Variants in TRAPPC9 observed in about 807,000 individuals in gnomAD.
TRAPPC9 encodes trafficking protein particle complex subunit 9, also known as IKK2 binding protein.
In TRAPPC9, 83 loss-of-function variants were observed where a neutral mutation model predicts 124.0. That is an observed-to-expected ratio of 0.67 (90% CI 0.56 to 0.80). TRAPPC9 has a LOEUF of 0.80. Ranked by LOEUF, TRAPPC9 falls within the 30% of genes least tolerant of loss-of-function variation. The pLI, the probability that TRAPPC9 is intolerant of heterozygous loss-of-function variation, is 0.00. For missense variants in TRAPPC9, 1,302 were observed against 1,508.3 expected (o/e 0.86, Z 2.27); for synonymous variants, 638 against 617.5 (o/e 1.03, Z -0.49).
intron 9 of TRAPPC9, among the ~76,000 whole-genome samples, chr8:140,345,310 C>T (rs2067311592): frequency 6.6e-6 from 1 of 152,174 alleles, no homozygotes. Flanking sequence ...GTAGCCAGTG[C>T]ACCTGGCAAT....
chr8:139,768,776 G>C (rs968363942), intron 21 of TRAPPC9, among the ~76,000 whole-genome samples: 1 of 152,148 alleles, frequency 6.6e-6, no homozygotes, highest in Non-Finnish European at 1.5e-5. Context: ...GGGCTGAATC[G>C]TGACTCCAAA....
chr8:140,189,836 C>T (rs572947826), intron 17 of TRAPPC9, among the ~76,000 whole-genome samples: 2 of 152,146 alleles, frequency 1.3e-5, no homozygotes, highest in East Asian at 3.8e-4. Context: ...ATGGTCTTAT[C>T]TTCCCCTCCT....
intron 19 of TRAPPC9, among the ~76,000 whole-genome samples, chr8:139,928,365 G>A (rs1391914450): frequency 6.6e-6 from 1 of 152,160 alleles, no homozygotes; most frequent in African/African-American, 2.4e-5. Flanking sequence ...GGTGGTGGGT[G>A]CCTGTAATCC....
chr8:140,141,075 C>T (rs2061375012), intron 17 of TRAPPC9, among the ~76,000 whole-genome samples: 1 of 152,190 alleles, frequency 6.6e-6, no homozygotes, highest in African/African-American at 2.4e-5. Context: ...GGAGAACCAA[C>T]CACATTTCTA....
In TRAPPC9 at chr8:139,910,112, GC is replaced by G. The variant is rs754160963; in HGVS notation, c.2964+34del. The G allele has an allele frequency of 1.6e-4, 261 of 1,613,122 alleles. 1 individual carries two copies. The highest frequency in any genetic ancestry group is 1.3e-3 in the Middle Eastern group (8 of 6,036). On this transcript the variant is annotated intron_variant, in intron 20 of 22. Coordinates refer to ENST00000438773, the MANE Select transcript of TRAPPC9 (RefSeq NM_001160372.4). Reference sequence around the variant, plus strand: ...AGAGGTTGGAACCCTGGGCAAAGGTGCCCCCAGGCCCAGGTGGCCCCTGGAA... The same window carrying G: ...AGAGGTTGGAACCCTGGGCAAAGGTGCCCCAGGCCCAGGTGGCCCCTGGAA...
intron 17 of TRAPPC9, among the ~76,000 whole-genome samples, chr8:140,173,800 A>G (rs1217998086): frequency 6.6e-6 from 1 of 152,226 alleles, no homozygotes; most frequent in Non-Finnish European, 1.5e-5. Context: ...TGGTACGGAA[A>G]TATCAGAGAC....
chr8:140,244,909 C>T (rs963309612), intron 16 of TRAPPC9, among the ~76,000 whole-genome samples: 1 of 145,124 alleles, frequency 6.9e-6, no homozygotes, highest in Non-Finnish European at 1.5e-5. Flanking sequence ...TGGGTTCAAG[C>T]GATTATCCTG....
chr8:140,287,368 G>A (rs1019698537), intron 13 of TRAPPC9, among the ~76,000 whole-genome samples: 2 of 152,148 alleles, frequency 1.3e-5, no homozygotes, highest in Non-Finnish European at 2.9e-5. Context: ...GAAAGGAGAC[G>A]AAGCAGAGGG....
At chr8:140,362,779 C>A (rs1427531713) in intron 8 of TRAPPC9, among the ~76,000 whole-genome samples, 1 of 152,108 alleles carries the variant, frequency 6.6e-6, no homozygotes, top group Non-Finnish European at 1.5e-5. Flanking sequence ...TTCAGAAAGA[C>A]CCAATTTAAC....
At chr8:140,433,628 T>A (rs771317772) in intron 4 of TRAPPC9, among the ~76,000 whole-genome samples, 2 of 152,104 alleles carry the variant, frequency 1.3e-5, no homozygotes, top group Admixed American at 1.3e-4. Context: ...ACACATAATC[T>A]ATTCAACAAT....
chr8:139,990,626 G>A lies in TRAPPC9; in HGVS notation c.2700-1790C>T, dbSNP rs139648826. 4.9e-3 allele frequency among the ~76,000 whole-genome samples: 743 copies of A among 151,464 alleles called. 2 individuals are homozygous for A. The highest frequency in any genetic ancestry group is 0.017 in the African/African-American group (721 of 41,258). Reference sequence around the variant, plus strand: ...TTTTTGACAGAGTCTCACTCTTGTCGTCCAGGCTGGAGTGCAGTGGCACAA... The same window carrying A: ...TTTTTGACAGAGTCTCACTCTTGTCATCCAGGCTGGAGTGCAGTGGCACAA... On this transcript the variant is annotated intron_variant, in intron 18 of 22. Transcript: ENST00000438773.
intron 17 of TRAPPC9, among the ~76,000 whole-genome samples, chr8:140,213,084 A>C (rs6578081): frequency 7.4e-5 from 4 of 53,782 alleles, no homozygotes; most frequent in Non-Finnish European, 1.4e-4. Flanking sequence ...AAAAAAAAAA[A>C]GTTTTTTTGT....
intron 9 of TRAPPC9, among the ~76,000 whole-genome samples, chr8:140,350,004 C>T (rs976855322): frequency 9.9e-5 from 15 of 152,156 alleles, no homozygotes; most frequent in Admixed American, 3.3e-4. Flanking sequence ...TCCCTTAACT[C>T]CCTTTTCTAA....
intron 17 of TRAPPC9, among the ~76,000 whole-genome samples, chr8:140,163,131 T>A (rs1441911760): frequency 6.6e-6 from 1 of 152,240 alleles, no homozygotes; most frequent in Non-Finnish European, 1.5e-5. Context: ...AGGTGGCAGC[T>A]ATGCACGCAG....
intron 17 of TRAPPC9, among the ~76,000 whole-genome samples, chr8:140,142,706 A>G (rs909597025): frequency 1.3e-5 from 2 of 152,216 alleles, no homozygotes; most frequent in African/African-American, 4.8e-5. Context: ...TCCACATAGG[A>G]TCAGGGTGCT....
At chr8:140,341,323 G>A (rs1039204747) in intron 9 of TRAPPC9, among the ~76,000 whole-genome samples, 1 of 152,124 alleles carries the variant, frequency 6.6e-6, no homozygotes, top group Non-Finnish European at 1.5e-5. Context: ...TTGACTAGAG[G>A]TCACACACAG....
chr8:140,413,188 A>G (rs1216242973), intron 5 of TRAPPC9, among the ~76,000 whole-genome samples: 1 of 152,196 alleles, frequency 6.6e-6, no homozygotes, highest in Non-Finnish European at 1.5e-5. Context: ...CAGGAGTTCA[A>G]GACCAGCCTG....
chr8:140,330,434 T>A (rs921547495), intron 9 of TRAPPC9, among the ~76,000 whole-genome samples: 1 of 152,200 alleles, frequency 6.6e-6, no homozygotes, highest in African/African-American at 2.4e-5. Context: ...AAATTTGCAG[T>A]GAGCCACATT....
intron 17 of TRAPPC9, among the ~76,000 whole-genome samples, chr8:140,218,654 G>T (rs1047729535): frequency 6.6e-6 from 1 of 151,950 alleles, no homozygotes; most frequent in African/African-American, 2.4e-5. Flanking sequence ...ATGTCCAGGG[G>T]TGTTGTCAAA....
Sources: gnomAD v4.1 joint callset for allele counts (sites outside exome capture counted in the v4.1 genomes callset) on GRCh38, gnomAD v4.1.1 for gene constraint, MANE v1.5 for transcripts, NCBI Gene and HGNC (gene_info 2026-07-23, HGNC 2026-07-21) for gene names.